RTN4: variants seen among roughly 807,000 people sequenced by gnomAD.
The protein encoded by RTN4 is reticulon-4.
A neutral mutation model predicts 90.4 loss-of-function variants in RTN4; 32 were observed. The ratio of observed to expected loss-of-function variants is 0.35; its 90% CI spans 0.27 to 0.48. The LOEUF is 0.48. Among genes scored for constraint, RTN4 ranks in the 20% least tolerant of loss-of-function variants. The pLI is 0.99. For synonymous variants in RTN4, 629 were observed against 552.5 expected (o/e 1.14, Z -1.94); for missense variants, 1,706 against 1,430.2 (o/e 1.19, Z -3.11).
intron 3 of RTN4, among the ~76,000 whole-genome samples, chr2:55,022,896 A>AACACAAACACACACACACAC (rs1681544045): frequency 2.2e-5 from 3 of 137,390 alleles, no homozygotes; most frequent in Non-Finnish European, 4.7e-5. Flanking sequence ...TTCAACATCC[A>AACACAAACACACACACACAC]ACACACACAC....
the RTN4 span, among the ~76,000 whole-genome samples, chr2:55,130,839 A>G: frequency 6.6e-6 from 1 of 152,198 alleles, no homozygotes; most frequent in Admixed American, 6.5e-5. Context: ...AAGAGCTGCC[A>G]TGAAGGGAGG....
intron 1 of RTN4, among the ~76,000 whole-genome samples, chr2:55,041,928 C>T (rs1265206350): frequency 6.6e-6 from 1 of 151,744 alleles, no homozygotes; most frequent in Non-Finnish European, 1.5e-5. Context: ...GGTCAAAATA[C>T]AAATAACAAA....
At chr2:55,083,823 C>T (rs893263113) in intron 1 of RTN4, among the ~76,000 whole-genome samples, 52 of 152,278 alleles carry the variant, frequency 3.4e-4, no homozygotes, top group African/African-American at 1.2e-3. Flanking sequence ...TGGTCTGACC[C>T]CAGTTCCTGG....
At chr2:55,029,786 G>A (rs2104885367) in intron 1 of RTN4, among the ~76,000 whole-genome samples, 1 of 152,272 alleles carries the variant, frequency 6.6e-6, no homozygotes, top group East Asian at 1.9e-4. Flanking sequence ...GCACTAGGTA[G>A]GATGGGCTAT....
chr2:55,041,644 A>G (rs1388889924), intron 1 of RTN4, among the ~76,000 whole-genome samples: 1 of 152,102 alleles, frequency 6.6e-6, no homozygotes, highest in Non-Finnish European at 1.5e-5. Context: ...AATGGGAAAT[A>G]ATCTTGAAAT....
chr2:55,077,541 T>C (rs1306999714), intron 2 of RTN4, among the ~76,000 whole-genome samples: 4 of 152,026 alleles, frequency 2.6e-5, no homozygotes, highest in Non-Finnish European at 5.9e-5. Flanking sequence ...GTACAACCAC[T>C]ATGGAAAACA....
chr2:54,985,697 C>T (rs1036229335), intron 4 of RTN4, among the ~76,000 whole-genome samples: 14 of 152,134 alleles, frequency 9.2e-5, no homozygotes, highest in Non-Finnish European at 1.6e-4. Flanking sequence ...AGAGAAAAAT[C>T]ACCAGTCTTT....
intron 2 of RTN4, chr2:55,060,618 G>C (rs1668271817): frequency 6.6e-6 from 1 of 152,268 alleles, no homozygotes; most frequent in African/African-American, 2.4e-5. Flanking sequence ...TCTGGTGGCA[G>C]AGTATGCTAA....
chr2:54,989,420 A>C (rs2104685027), intron 3 of RTN4, among the ~76,000 whole-genome samples: 1 of 152,360 alleles, frequency 6.6e-6, no homozygotes, highest in Non-Finnish European at 1.5e-5. Flanking sequence ...GCTTAGTGCT[A>C]TTCCACTAGT....
At chr2:55,133,865 A>G in the RTN4 span, among the ~76,000 whole-genome samples, 2 of 152,270 alleles carry the variant, frequency 1.3e-5, no homozygotes, top group East Asian at 3.9e-4. Context: ...AGGAAGAGCG[A>G]GCCAAGAGAG....
At chr2:55,032,034 AAGAAAGAAT>A (rs1573433683) in intron 1 of RTN4, among the ~76,000 whole-genome samples, 1 of 152,224 alleles carries the variant, frequency 6.6e-6, no homozygotes, top group African/African-American at 2.4e-5. Context: ...GACCATAAAT[AAGAAAGAAT>A]AGCAAATATA....
At chr2:55,069,356 G>A (rs1219203143) in intron 2 of RTN4, among the ~76,000 whole-genome samples, 1 of 151,986 alleles carries the variant, frequency 6.6e-6, no homozygotes, top group Non-Finnish European at 1.5e-5. Context: ...AAATTACCTG[G>A]TCCTCTGTAA....
At chr2:55,038,973 T>C (rs926422319) in intron 1 of RTN4, among the ~76,000 whole-genome samples, 3 of 152,232 alleles carry the variant, frequency 2.0e-5, no homozygotes, top group Non-Finnish European at 4.4e-5. Flanking sequence ...AAAAGCATCA[T>C]GCTGAATGCA....
At chr2:55,024,345 G>GA (rs1490603121) in intron 3 of RTN4, among the ~76,000 whole-genome samples, 1 of 152,116 alleles carries the variant, frequency 6.6e-6, no homozygotes, top group African/African-American at 2.4e-5. Flanking sequence ...CAATGGTGAT[G>GA]AGCTGGACTG....
At chr2:55,067,952 G>A (rs535840250) in intron 2 of RTN4, among the ~76,000 whole-genome samples, 83 of 152,250 alleles carry the variant, frequency 5.5e-4, no homozygotes, top group African/African-American at 1.9e-3. Context: ...AAGAAAAGAA[G>A]TATTATTTTA....
chr2:55,007,235 G>T (rs1006998002), intron 3 of RTN4, among the ~76,000 whole-genome samples: 5 of 151,766 alleles, frequency 3.3e-5, no homozygotes, highest in African/African-American at 1.2e-4. Context: ...CAAATCTGCC[G>T]CTTCTTCTTC....
At chr2:55,017,962 C>T (rs976859869) in intron 3 of RTN4, among the ~76,000 whole-genome samples, 7 of 152,106 alleles carry the variant, frequency 4.6e-5, no homozygotes, top group Admixed American at 6.5e-5. Context: ...TAACTGTGAA[C>T]GGACAAAACC....
chr2:55,070,053 C>T (rs1668459377), intron 2 of RTN4, among the ~76,000 whole-genome samples: 1 of 152,148 alleles, frequency 6.6e-6, no homozygotes, highest in African/African-American at 2.4e-5. Flanking sequence ...ATAGGGCAAA[C>T]TGATAACATG....
the RTN4 span, among the ~76,000 whole-genome samples, chr2:55,131,157 A>G: frequency 6.6e-6 from 1 of 151,912 alleles, no homozygotes; most frequent in African/African-American, 2.4e-5. Flanking sequence ...AGCTCACTAC[A>G]ACCTCCACCT....
Sources: gnomAD v4.1 joint callset for allele counts (sites outside exome capture counted in the v4.1 genomes callset) on GRCh38, gnomAD v4.1.1 for gene constraint, MANE v1.5 for transcripts, NCBI Gene and HGNC (gene_info 2026-07-23, HGNC 2026-07-21) for gene names.